Variants in ERMARD observed in about 807,000 individuals in gnomAD.
ERMARD encodes the protein ER membrane associated RNA degradation, also known as endoplasmic reticulum membrane-associated RNA degradation protein.
ERMARD carries 71 observed loss-of-function variants against 83.9 expected under a neutral mutation model. The observed-to-expected ratio is 0.85, with a 90% CI of 0.70 to 1.03. The LOEUF (loss-of-function observed/expected upper bound fraction) is 1.03. Ranked by LOEUF, ERMARD falls within the 50% of genes least tolerant of loss-of-function variation. The probability of loss-of-function intolerance (pLI) is 0.00; values close to 1 mark genes in which losing one functional copy is unlikely to be tolerated. For synonymous variants in ERMARD, 284 were observed against 298.6 expected (o/e 0.95, Z 0.50); for missense variants, 838 against 810.9 (o/e 1.03, Z -0.41).
rs769325120 is a variant in ERMARD, at chr6:169,755,361, T to C, written c.254T>C (p.Leu85Pro). ...CEAVHSHFLS[L>P]TKGQFEIRYA... Reference sequence around the variant, plus strand: ...GCTGTCCATTCACATTTCTTATCTCTGACCAAGGGGCAATTTGAAATTCGA... The same window carrying C: ...GCTGTCCATTCACATTTCTTATCTCCGACCAAGGGGCAATTTGAAATTCGA... The change falls in exon 3 of 18, where the codon CTG becomes CCG. Residue 85 changes from leucine to proline, a missense_variant. Leu to Pro is a moderately conservative substitution (Grantham distance 98, BLOSUM62 -3). Coordinates refer to ENST00000366773, the MANE Select transcript of ERMARD (RefSeq NM_018341.3). The C allele has an allele frequency of 1.1e-5, 17 of 1,614,072 alleles. No homozygotes were observed. The Admixed American group carries it at 2.7e-4, about 25-fold the overall frequency.
At chr6:169,763,911 C>T (rs780436349) in intron 9 of ERMARD, among the ~76,000 whole-genome samples, 3 of 152,258 alleles carry the variant, frequency 2.0e-5, no homozygotes, top group Non-Finnish European at 2.9e-5. Flanking sequence ...TGCAGTTAGA[C>T]CTGCTTATGT....
At chr6:169,776,163 G>T in intron 15 of ERMARD, 98 bp downstream of exon 15, 1 of 1,564,158 alleles carries the variant, frequency 6.4e-7, no homozygotes, top group Non-Finnish European at 8.7e-7. Flanking sequence ...TATAAACTTG[G>T]TAGTAGTCTT....
chr6:169,773,110 G>T, intron 12 of ERMARD: 1 of 511,586 alleles, frequency 2.0e-6, no homozygotes, highest in Non-Finnish European at 3.5e-6. Flanking sequence ...ATCTATTATT[G>T]TTAATGGCCT....
Position 169,775,806 on chromosome 6 carries a change from T to G in ERMARD, c.1395-134T>G, listed in dbSNP as rs1041758335. 5.0e-6 allele frequency: 6 copies of G among 1,206,266 alleles called. No individual in the cohort carries two copies. In the African/African-American group the frequency reaches 9.2e-5, roughly 19 times the overall value. The allele number at this position is 1,206,266 out of a possible 1,614,324, so 74.7% of individuals were successfully genotyped here. On this transcript the variant is annotated intron_variant, in intron 14 of 17. Coordinates refer to ENST00000366773, the MANE Select transcript of ERMARD (RefSeq NM_018341.3). ...TCCACTGTATTGTCATGGTGGCTTT[T>G]TCCATTTTATATTTGAGGAAAGTGA...
chr6:169,775,899 C>T (rs1428757057), intron 14 of ERMARD, 41 bp from the exon 15 acceptor site: 1 of 1,609,148 alleles, frequency 6.2e-7, no homozygotes, highest in African/African-American at 1.3e-5. Flanking sequence ...GATGTGAGCA[C>T]TTTAATTGTC....
intron 13 of ERMARD, 38 bp from the exon 14 acceptor site, chr6:169,775,232 T>G (rs761658194): frequency 8.7e-6 from 14 of 1,600,656 alleles, no homozygotes; most frequent in Non-Finnish European, 1.2e-5. Flanking sequence ...AGGAAGTTAC[T>G]GTGAAATCTA....
At chr6:169,751,486 G>A (rs765094281), upstream of ERMARD, 13 of 1,610,836 alleles carry the variant, frequency 8.1e-6, no homozygotes, top group Admixed American at 6.7e-5. Context: ...GACGCCCACC[G>A]CCTCCCCTTC....
chr6:169,767,875 A>G (rs1792418164), intron 10 of ERMARD: 2 of 560,994 alleles, frequency 3.6e-6, no homozygotes, highest in Admixed American at 6.2e-5. Flanking sequence ...AGTCACATAC[A>G]CAAACACACA....
chr6:169,759,745 T>C (rs1046652139), intron 6 of ERMARD, 93 bp from the exon 7 acceptor site: 1 of 1,255,004 alleles, frequency 8.0e-7, no homozygotes, highest in Non-Finnish European at 1.1e-6. Context: ...TTAACTTTGC[T>C]TTCTTAATTT....
intron 12 of ERMARD, chr6:169,772,102 C>T: frequency 6.6e-6 from 1 of 152,562 alleles, no homozygotes. Context: ...GCCGCCTTGG[C>T]CCCTCCCTGG....
intron 1 of ERMARD, among the ~76,000 whole-genome samples, chr6:169,752,275 A>C (rs1247728326): frequency 6.6e-6 from 1 of 152,130 alleles, no homozygotes; most frequent in East Asian, 1.9e-4. Flanking sequence ...GATGCTTTTC[A>C]TGTGTTATCT....
intron 9 of ERMARD, among the ~76,000 whole-genome samples, chr6:169,763,770 T>A (rs1421433635): frequency 2.6e-5 from 4 of 152,232 alleles, no homozygotes; most frequent in African/African-American, 4.8e-5. Flanking sequence ...TAGAAAATAC[T>A]TTGAACCCAG....
At chr6:169,751,535 G>A, upstream of ERMARD, 2 of 1,610,672 alleles carry the variant, frequency 1.2e-6, no homozygotes, top group African/African-American at 1.3e-5. Context: ...TCCCGCGAGG[G>A]CGGAAGTCTC....
At position 169,762,528 on chromosome 6, in the gene ERMARD, T is replaced by C. The variant is rs752197563; in HGVS notation, c.957T>C (p.Ala319=). The change falls in exon 9 of 18, where the codon GCT becomes GCC. Residue 319 remains alanine, a synonymous_variant. Transcript: ENST00000366773. The stretch of plus-strand genomic sequence containing the variant: ...GATGTCCAAAAAGACTCCTGACTGC[T>C]GAGGTAAGCTTGTTTTTATTATTGA... The part of the protein sequence containing the change: ...LNRCPKRLLT[A]ESTALYTTFD... The C allele has an allele frequency of 2.5e-6, 4 of 1,611,962 alleles. No individual in the cohort carries two copies. The South Asian group carries it at 3.3e-5, about 13-fold the overall frequency.
intron 3 of ERMARD, 125 bp downstream of exon 3, chr6:169,755,547 GT>G: frequency 8.1e-7 from 1 of 1,235,908 alleles, no homozygotes; most frequent in Non-Finnish European, 1.1e-6. Context: ...AGTGTTGAGG[GT>G]TGTAAGAGAA....
rs1253959643 is a variant in ERMARD, at chr6:169,769,458, C to T, written c.1060-82C>T. ...CTTCAGAGGACTTGATGGATGCACT[C>T]TTTCCTTCTATTCAGCAACACCAGG... On this transcript the variant is annotated intron_variant, in intron 11 of 17. Transcript: ENST00000366773. 2.2e-6 allele frequency: 3 copies of T among 1,351,250 alleles called. No homozygotes were observed. The African/African-American group carries it at 4.4e-5, about 20-fold the overall frequency. The allele number at this position is 1,351,250 out of a possible 1,614,324, so 83.7% of individuals were successfully genotyped here.
chr6:169,753,891 TG>T lies in ERMARD; in HGVS notation c.35del (p.Cys12PhefsTer9). ...ATTAATAGGGGACCCTATTACCACA[TG>T]TCTTTCTCCCTCAGTGTATGATATA... ...EVLIGDPITT[C>X]LSPSVYDIIC... On this transcript the variant is annotated frameshift_variant, in exon 2 of 18. Transcript: ENST00000366773. LOFTEE classifies it high-confidence loss of function. 1 of 1,603,488 alleles carries T rather than the reference TG, an allele frequency of 6.2e-7. No homozygotes were observed. The highest frequency in any genetic ancestry group is 8.5e-7 in the Non-Finnish European group (1 of 1,174,046).
At chr6:169,760,382 C>G (rs1791393479) in intron 7 of ERMARD, among the ~76,000 whole-genome samples, 1 of 152,184 alleles carries the variant, frequency 6.6e-6, no homozygotes, top group African/African-American at 2.4e-5. Flanking sequence ...TTTTACTTCT[C>G]TTGGTCATTG....
rs754178113 is a variant in ERMARD, at chr6:169,759,027, A to G, written c.567A>G (p.Leu189=). 1 of 1,614,056 alleles carries G rather than the reference A, an allele frequency of 6.2e-7. No homozygotes were observed. Among genetic ancestry groups the G allele is most frequent in the East Asian group, 2.2e-5 (1 of 44,886 alleles). Residue 189 remains leucine (L), a synonymous_variant, in exon 6 of 18, where the codon TTA becomes TTG. Coordinates refer to ENST00000366773, the MANE Select transcript of ERMARD (RefSeq NM_018341.3). Reference sequence around the variant, plus strand: ...GTGGTCTCAACCTGCGTAACGTCTTATGGCATGGGTTTGCGTCACCTGAAG... The same window carrying G: ...GTGGTCTCAACCTGCGTAACGTCTTGTGGCATGGGTTTGCGTCACCTGAAG... ...SPCGLNLRNV[L]WHGFASPEEI...
Sources: gnomAD v4.1 joint callset for allele counts (sites outside exome capture counted in the v4.1 genomes callset) on GRCh38, gnomAD v4.1.1 for gene constraint, MANE v1.5 for transcripts, NCBI Gene and HGNC (gene_info 2026-07-23, HGNC 2026-07-21) for gene names.